Variants in ACOT12 observed in about 807,000 individuals in gnomAD.
ACOT12 encodes the protein acetyl-coenzyme A thioesterase.
Under a neutral mutation model 67.7 loss-of-function variants are expected in ACOT12, and 51 were observed. The observed-to-expected ratio is 0.75, with a 90% CI of 0.60 to 0.95. ACOT12 has a LOEUF of 0.95. ACOT12 is among the 40% of genes least tolerant of loss of function. ACOT12 has a pLI of 0.00. For missense variants in ACOT12, 734 were observed against 708.1 expected (o/e 1.04, Z -0.41); for synonymous variants, 251 against 244.6 (o/e 1.03, Z -0.24).
chr5:81,390,907 T>C (rs1760845797), intron 1 of ACOT12, among the ~76,000 whole-genome samples: 2 of 152,230 alleles, frequency 1.3e-5, no homozygotes, highest in South Asian at 4.1e-4. Flanking sequence ...ATCTTTTCTC[T>C]TAAGAATAAA....
chr5:81,370,144 T>G (rs78768720), intron 3 of ACOT12, among the ~76,000 whole-genome samples: 12,131 of 152,092 alleles, frequency 0.08, 551 homozygotes, highest in Middle Eastern at 0.17. Context: ...AGTGGTGGCA[T>G]GCACCTGTAA....
chr5:81,354,640 A>T (rs1759652683), intron 5 of ACOT12, among the ~76,000 whole-genome samples: 1 of 152,154 alleles, frequency 6.6e-6, no homozygotes, highest in African/African-American at 2.4e-5. Flanking sequence ...TACAGATTTG[A>T]CACGAATTAT....
chr5:81,310,841 G>A, the ACOT12 span, among the ~76,000 whole-genome samples: 2 of 152,230 alleles, frequency 1.3e-5, no homozygotes, highest in Non-Finnish European at 2.9e-5. Flanking sequence ...ATTCAGGAAA[G>A]TGCATCTGCT....
intron 1 of ACOT12, among the ~76,000 whole-genome samples, chr5:81,388,891 C>G (rs1760797256): frequency 1.3e-5 from 2 of 152,132 alleles, no homozygotes; most frequent in South Asian, 4.1e-4. Flanking sequence ...GGGGAAACCC[C>G]TTGTGCTTGG....
chr5:81,315,353 TCTG>T, the ACOT12 span, among the ~76,000 whole-genome samples: 2 of 152,286 alleles, frequency 1.3e-5, no homozygotes, highest in Admixed American at 6.5e-5. Context: ...CCTTCAGGCA[TCTG>T]CTATGACCAG....
chr5:81,366,949 GAGAGCACAAA>G, intron 3 of ACOT12, among the ~76,000 whole-genome samples: 1 of 152,162 alleles, frequency 6.6e-6, no homozygotes, highest in Middle Eastern at 3.4e-3. Context: ...CAAAAGGAGA[GAGAGCACAAA>G]AGACAGGAAA....
rs752864486 is a variant in ACOT12 at position 81,344,981 on chromosome 5, C to T, written c.834G>A (p.Gly278=). ...FDCQEWAEGR[G]RHINSAFLIY... Reference sequence around the variant, plus strand: ...TGAGAAAAGCACTGTTGATGTGACGCCCTCGGCCCTCGGCCCATTCCTGAC... The same window carrying T: ...TGAGAAAAGCACTGTTGATGTGACGTCCTCGGCCCTCGGCCCATTCCTGAC... Residue 278 remains glycine, a synonymous_variant, in exon 8 of 15, where the codon GGG becomes GGA. Coordinates refer to ENST00000307624, the MANE Select transcript of ACOT12 (RefSeq NM_130767.3). 6.8e-6 allele frequency: 11 copies of T among 1,614,154 alleles called. No homozygotes were observed. The highest frequency in any genetic ancestry group is 4.5e-5 in the East Asian group (2 of 44,884).
At chr5:81,358,149 G>C (rs920296326) in intron 5 of ACOT12, among the ~76,000 whole-genome samples, 3 of 152,020 alleles carry the variant, frequency 2.0e-5, no homozygotes, top group African/African-American at 4.8e-5. Context: ...AGGACAGAAA[G>C]CTTTTTTAAA....
intron 11 of ACOT12, among the ~76,000 whole-genome samples, chr5:81,339,267 G>A (rs1047037751): frequency 2.0e-5 from 3 of 152,298 alleles, no homozygotes; most frequent in South Asian, 2.1e-4. Flanking sequence ...GGTGGGGGTC[G>A]GAAGGGCGGA....
intron 2 of ACOT12, among the ~76,000 whole-genome samples, chr5:81,373,506 C>A (rs1760317118): frequency 6.6e-6 from 1 of 152,168 alleles, no homozygotes; most frequent in Non-Finnish European, 1.5e-5. Flanking sequence ...ACCTGGAACA[C>A]CAGCAAGACA....
intron 2 of ACOT12, among the ~76,000 whole-genome samples, chr5:81,380,956 G>C (rs902235424): frequency 3.9e-5 from 6 of 152,158 alleles, no homozygotes; most frequent in Admixed American, 2.6e-4. Flanking sequence ...CAAACCTGTA[G>C]AGGATGTTAT....
At chr5:81,349,487 C>G (rs1336986953) in intron 5 of ACOT12, among the ~76,000 whole-genome samples, 1 of 151,038 alleles carries the variant, frequency 6.6e-6, no homozygotes, top group Non-Finnish European at 1.5e-5. Context: ...CTACGGCAAT[C>G]CCCCTGGCCA....
intron 3 of ACOT12, among the ~76,000 whole-genome samples, chr5:81,364,383 A>T (rs1760011150): frequency 6.6e-6 from 1 of 151,864 alleles, no homozygotes; most frequent in East Asian, 1.9e-4. Context: ...GTATATATGC[A>T]TGTGTATATA....
In ACOT12 at chr5:81,334,592, ATT is replaced by A. The variant is rs548080345; in HGVS notation, c.1262+1174_1262+1175del. On this transcript the variant is annotated intron_variant, in intron 12 of 14. Coordinates refer to ENST00000307624, the MANE Select transcript of ACOT12 (RefSeq NM_130767.3). Reference sequence around the variant, plus strand: ...CTCAGAGATGTTTCACTTTAGTGGTATTAAATCATATGTTACATGGTATTTCT... The same window carrying A: ...CTCAGAGATGTTTCACTTTAGTGGTAAAATCATATGTTACATGGTATTTCT... Among the ~76,000 whole-genome samples the A allele has an allele frequency of 2.9e-3, 443 of 152,326 alleles. 3 individuals are homozygous for A. The highest frequency in any genetic ancestry group is 8.7e-3 in the African/African-American group (363 of 41,558).
chr5:81,362,165 T>C (rs79723808), intron 4 of ACOT12, among the ~76,000 whole-genome samples: 2 of 45,126 alleles, frequency 4.4e-5, no homozygotes, highest in Non-Finnish European at 9.7e-5. Flanking sequence ...ATTATATTCT[T>C]TTTTTTTTTT....
chr5:81,390,891 T>C lies in ACOT12; in HGVS notation c.127+3097A>G, dbSNP rs189729153. 4.6e-5 allele frequency among the ~76,000 whole-genome samples: 7 copies of C among 152,360 alleles called. No individual in the cohort carries two copies. The East Asian group carries it at 1.3e-3, about 29-fold the overall frequency. On this transcript the variant is annotated intron_variant, in intron 1 of 14. Transcript: ENST00000307624. Reference sequence around the variant, plus strand: ...AGGGTTGTCTAGGGATGAATCTCCATTGATCATCTTTTCTCTTAAGAATAA... The same window carrying C: ...AGGGTTGTCTAGGGATGAATCTCCACTGATCATCTTTTCTCTTAAGAATAA...
At chr5:81,380,027 CA>C (rs1760532968) in intron 2 of ACOT12, among the ~76,000 whole-genome samples, 1 of 152,028 alleles carries the variant, frequency 6.6e-6, no homozygotes, top group Non-Finnish European at 1.5e-5. Context: ...CATTTTTTGG[CA>C]GAAAAACTGG....
At chr5:81,337,240 A>T (rs1759033585) in intron 11 of ACOT12, among the ~76,000 whole-genome samples, 1 of 152,210 alleles carries the variant, frequency 6.6e-6, no homozygotes, top group Non-Finnish European at 1.5e-5. Context: ...ATCTCAGAGG[A>T]GCTGAGGGCA....
intron 10 of ACOT12, 141 bp from the exon 11 acceptor site, chr5:81,342,896 T>TCA: frequency 1.1e-6 from 1 of 874,356 alleles, no homozygotes; most frequent in East Asian, 2.8e-5. Context: ...AGAACTAAAC[T>TCA]ACAGGCCAGG....
Sources: gnomAD v4.1 joint callset for allele counts (sites outside exome capture counted in the v4.1 genomes callset) on GRCh38, gnomAD v4.1.1 for gene constraint, MANE v1.5 for transcripts, NCBI Gene and HGNC (gene_info 2026-07-23, HGNC 2026-07-21) for gene names.